AFF3: variants seen among roughly 807,000 people sequenced by gnomAD.
The protein encoded by AFF3 is AF4/FMR2 family member 3.
In AFF3, 32 loss-of-function variants were observed where a neutral mutation model predicts 129.7. The observed-to-expected ratio is 0.25, with a 90% CI of 0.19 to 0.33. AFF3 has a LOEUF of 0.33. Among genes scored for constraint, AFF3 ranks in the 10% least tolerant of loss-of-function variants. The pLI, the probability that AFF3 is intolerant of heterozygous loss-of-function variation, is 1.00. For missense variants in AFF3, 1,373 were observed against 1,592.0 expected (o/e 0.86, Z 2.34); for synonymous variants, 644 against 635.4 (o/e 1.01, Z -0.20).
intron 2 of AFF3, chr2:100,106,089 A>C (rs1445292708): frequency 2.3e-6 from 3 of 1,293,804 alleles, no homozygotes; most frequent in Non-Finnish European, 3.1e-6. Flanking sequence ...TAGAAGACCA[A>C]AAGGCCAATG....
intron 14 of AFF3, among the ~76,000 whole-genome samples, chr2:99,595,502 T>C (rs1400825462): frequency 2.6e-5 from 4 of 152,082 alleles, no homozygotes; most frequent in African/African-American, 9.7e-5. Flanking sequence ...CTAGAGCAAA[T>C]TGGGTCTGTT....
At chr2:99,591,704 A>G (rs1415164482) in intron 15 of AFF3, among the ~76,000 whole-genome samples, 4 of 152,174 alleles carry the variant, frequency 2.6e-5, no homozygotes, top group Non-Finnish European at 5.9e-5. Context: ...TAACTTTTCT[A>G]TTGATAGACT....
At chr2:100,099,442 T>C (rs1690549301) in intron 4 of AFF3, among the ~76,000 whole-genome samples, 1 of 152,174 alleles carries the variant, frequency 6.6e-6, no homozygotes, top group Non-Finnish European at 1.5e-5. Context: ...AAACTGCTAG[T>C]GCCTCTGCAT....
chr2:99,948,927 A>G (rs925526072), intron 7 of AFF3, among the ~76,000 whole-genome samples: 1 of 152,220 alleles, frequency 6.6e-6, no homozygotes, highest in African/African-American at 2.4e-5. Flanking sequence ...CTCCAAAGTA[A>G]ATTTCATTTG....
chr2:99,703,470 T>C (rs939321860), intron 11 of AFF3, among the ~76,000 whole-genome samples: 45 of 152,202 alleles, frequency 3.0e-4, no homozygotes, highest in Non-Finnish European at 8.8e-5. Context: ...TATTTTAGCC[T>C]ATGAATGTCC....
chr2:100,087,638 A>C (rs970575313), intron 4 of AFF3, among the ~76,000 whole-genome samples: 15 of 151,838 alleles, frequency 9.9e-5, no homozygotes, highest in African/African-American at 3.4e-4. Flanking sequence ...GCATGTCCTG[A>C]GAAAGTCATA....
In AFF3 at chr2:99,926,487, C is replaced by T. The variant is rs6760535; in HGVS notation, c.873+80145G>A. The stretch of plus-strand genomic sequence containing the variant: ...CCAAACTCAAACCACCTACTTCAGG[C>T]ATTATTAATTTCTACATACACATTA... On this transcript the variant is annotated intron_variant, in intron 7 of 24. Transcript: ENST00000672756. 2.3e-3 allele frequency among the ~76,000 whole-genome samples: 353 copies of T among 152,330 alleles called. 1 individual carries two copies. The highest frequency in any genetic ancestry group is 8.2e-3 in the African/African-American group (339 of 41,582).
At chr2:99,920,832 G>A (rs111807095) in intron 7 of AFF3, among the ~76,000 whole-genome samples, 1 of 151,976 alleles carries the variant, frequency 6.6e-6, no homozygotes, top group African/African-American at 2.4e-5. Flanking sequence ...TGAATTTAGC[G>A]ATGTTTCAGA....
intron 11 of AFF3, among the ~76,000 whole-genome samples, chr2:99,695,332 G>A (rs1676098929): frequency 6.6e-6 from 1 of 152,152 alleles, no homozygotes. Context: ...TTCTTCACTG[G>A]GCGAGTCTCC....
intron 14 of AFF3, among the ~76,000 whole-genome samples, chr2:99,595,858 C>A (rs3828314): frequency 0.22 from 33,298 of 152,180 alleles, 4,300 homozygotes; most frequent in East Asian, 0.38. Flanking sequence ...GCAACCAGAG[C>A]TATGACAGGG....
intron 4 of AFF3, among the ~76,000 whole-genome samples, chr2:100,077,166 T>C (rs764962250): frequency 6.6e-6 from 1 of 152,060 alleles, no homozygotes; most frequent in African/African-American, 2.4e-5. Flanking sequence ...GGAGAATTGC[T>C]AGAACCCAGG....
At chr2:99,553,017 C>A (rs149502011) in intron 24 of AFF3, among the ~76,000 whole-genome samples, 1 of 152,192 alleles carries the variant, frequency 6.6e-6, no homozygotes, top group Non-Finnish European at 1.5e-5. Context: ...TCTGCAACCA[C>A]TGCCCGCCTT....
chr2:100,070,237 TGCGTAA>T (rs1688064716), intron 4 of AFF3, among the ~76,000 whole-genome samples: 1 of 152,104 alleles, frequency 6.6e-6, no homozygotes, highest in African/African-American at 2.4e-5. Flanking sequence ...AAAACGTGGT[TGCGTAA>T]GCACATCTAA....
chr2:99,947,562 AG>A (rs1254148393), intron 7 of AFF3, among the ~76,000 whole-genome samples: 1,711 of 141,558 alleles, frequency 0.012, 65 homozygotes, highest in African/African-American at 0.046. Context: ...AGAGAGAGAA[AG>A]AGAAAGAAAG....
At chr2:99,677,278 A>AAC (rs1432244307) in intron 11 of AFF3, among the ~76,000 whole-genome samples, 77 of 151,382 alleles carry the variant, frequency 5.1e-4, no homozygotes, top group Non-Finnish European at 1.0e-3. Flanking sequence ...AAAAAAAAAA[A>AAC]AAAAAATTGA....
At chr2:99,854,762 G>A (rs1165827463) in intron 7 of AFF3, among the ~76,000 whole-genome samples, 1 of 152,072 alleles carries the variant, frequency 6.6e-6, no homozygotes, top group African/African-American at 2.4e-5. Context: ...AAGGTTTAGA[G>A]TATTATAACT....
In AFF3 at chr2:99,648,917, A is replaced by ACT. The variant is rs769906171; in HGVS notation, c.1184+707_1184+708dup. Among the ~76,000 whole-genome samples the ACT allele has an allele frequency of 8.0e-3, 376 of 46,924 alleles. 7 individuals carry two copies. Among genetic ancestry groups the ACT allele is most frequent in the African/African-American group, 0.021 (330 of 15,546 alleles). 30.8% of individuals were successfully genotyped at this position (46,924 alleles called of 152,430 possible). A position where few individuals can be genotyped will look rare whatever the true frequency, so the allele number is the denominator to read the frequency against. ...CACACACACACACACACACACACAC[A>ACT]CTCTCTCTCTCTCTCTCTCTCCAAT... On this transcript the variant is annotated intron_variant, in intron 13 of 24. Transcript: ENST00000672756.
At chr2:99,903,638 AT>A (rs1461605677) in intron 7 of AFF3, among the ~76,000 whole-genome samples, 1 of 152,182 alleles carries the variant, frequency 6.6e-6, no homozygotes, top group Non-Finnish European at 1.5e-5. Context: ...ATTTAATGAG[AT>A]TTTTAAAAAC....
intron 10 of AFF3, among the ~76,000 whole-genome samples, chr2:99,732,158 T>A (rs1679882748): frequency 6.6e-6 from 1 of 151,924 alleles, no homozygotes; most frequent in Non-Finnish European, 1.5e-5. Flanking sequence ...ATTGAGACCA[T>A]CCTGGCTAAC....
Sources: gnomAD v4.1 joint callset for allele counts (sites outside exome capture counted in the v4.1 genomes callset) on GRCh38, gnomAD v4.1.1 for gene constraint, MANE v1.5 for transcripts, NCBI Gene and HGNC (gene_info 2026-07-23, HGNC 2026-07-21) for gene names.